The following CADPS variants were observed in gnomAD, a reference collection of about 807,000 sequenced individuals.
CADPS encodes the protein calcium-dependent secretion activator 1.
In CADPS, 57 loss-of-function variants were observed where a neutral mutation model predicts 167.3. The observed-to-expected ratio is 0.34, with a 90% CI of 0.28 to 0.42. The LOEUF is 0.42. Among genes scored for constraint, CADPS ranks in the 20% least tolerant of loss-of-function variants. The probability of loss-of-function intolerance (pLI) is 1.00; values close to 1 mark genes in which losing one functional copy is unlikely to be tolerated. For missense variants in CADPS, 1,414 were observed against 1,738.1 expected, an observed-to-expected ratio of 0.81 and a Z score of 3.32; for synonymous variants, 676 against 635.3, an observed-to-expected ratio of 1.06 and a Z score of -0.96.
At chr3:62,722,449 AT>A (rs2076003142) in intron 3 of CADPS, among the ~76,000 whole-genome samples, 2 of 151,186 alleles carry the variant, frequency 1.3e-5, no homozygotes, top group Admixed American at 6.9e-5. Flanking sequence ...TGAACATCTC[AT>A]GAACATCTCA....
chr3:62,505,566 T>A (rs1407237659), intron 17 of CADPS, among the ~76,000 whole-genome samples: 1 of 152,234 alleles, frequency 6.6e-6, no homozygotes, highest in Non-Finnish European at 1.5e-5. Context: ...TTTTCTCTTC[T>A]GCAGTTCATT....
chr3:62,608,125 T>C (rs2060949778), intron 6 of CADPS, among the ~76,000 whole-genome samples: 1 of 152,110 alleles, frequency 6.6e-6, no homozygotes, highest in Admixed American at 6.5e-5. Flanking sequence ...CCCAGTTGCA[T>C]CTGGGGCTCC....
intron 1 of CADPS, among the ~76,000 whole-genome samples, chr3:62,831,015 A>G (rs2074977581): frequency 6.6e-6 from 1 of 152,274 alleles, no homozygotes; most frequent in South Asian, 2.1e-4. Flanking sequence ...AGAGTTATAG[A>G]CAAATATGTA....
chr3:62,597,351 A>C (rs1053354286), intron 6 of CADPS, among the ~76,000 whole-genome samples: 1 of 152,190 alleles, frequency 6.6e-6, no homozygotes, highest in Non-Finnish European at 1.5e-5. Context: ...TGTCTCTAAA[A>C]GAAAATAAAT....
intron 1 of CADPS, among the ~76,000 whole-genome samples, chr3:62,847,105 GCCT>G (rs1163975525): frequency 3.3e-5 from 5 of 152,244 alleles, no homozygotes; most frequent in African/African-American, 1.2e-4. Flanking sequence ...TTTTCTAGTA[GCCT>G]CCTAAGTCCT....
At chr3:62,790,203 A>G (rs1230030647) in intron 1 of CADPS, among the ~76,000 whole-genome samples, 1 of 152,164 alleles carries the variant, frequency 6.6e-6, no homozygotes, top group Non-Finnish European at 1.5e-5. Flanking sequence ...ATATTTTTAT[A>G]AATTATGGAC....
At chr3:62,821,823 G>C (rs906922367) in intron 1 of CADPS, among the ~76,000 whole-genome samples, 2 of 152,128 alleles carry the variant, frequency 1.3e-5, no homozygotes, top group Non-Finnish European at 2.9e-5. Flanking sequence ...GTCTCCCAAG[G>C]CTGAACTCAA....
chr3:62,854,299 C>T (rs369323661), intron 1 of CADPS, among the ~76,000 whole-genome samples: 7 of 152,186 alleles, frequency 4.6e-5, no homozygotes, highest in Non-Finnish European at 5.9e-5. Flanking sequence ...GCATTCCTTT[C>T]GTAGTTTTGC....
At chr3:62,498,087 G>A in intron 18 of CADPS, 1 of 456,308 alleles carries the variant, frequency 2.2e-6, no homozygotes, top group Non-Finnish European at 4.4e-6. Flanking sequence ...ACATGGTACT[G>A]GAAGGGCATG....
rs189323992 is a variant in CADPS, at chr3:62,591,591, A to G, written c.1437+1046T>C. On this transcript the variant is annotated intron_variant, in intron 7 of 29. Coordinates refer to ENST00000383710, the MANE Select transcript of CADPS (RefSeq NM_003716.4). ...GGGGTGAAGAGGTGAGCAGAAGCCAAATTAAACGAGTTCAGATTTTACCAC... is the reference window on the plus strand; with the variant it reads ...GGGGTGAAGAGGTGAGCAGAAGCCAGATTAAACGAGTTCAGATTTTACCAC... 3.2e-3 allele frequency among the ~76,000 whole-genome samples: 485 copies of G among 152,236 alleles called. 2 individuals are homozygous for G. Among genetic ancestry groups the G allele is most frequent in the African/African-American group, 0.011 (458 of 41,538 alleles).
chr3:62,502,054 C>T (rs1445584107), intron 17 of CADPS, among the ~76,000 whole-genome samples: 1 of 152,216 alleles, frequency 6.6e-6, no homozygotes, highest in African/African-American at 2.4e-5. Flanking sequence ...CCAATTAACC[C>T]ATGTAGCCAG....
At chr3:62,873,745 C>A (rs1035868136) in intron 1 of CADPS, among the ~76,000 whole-genome samples, 21 of 151,800 alleles carry the variant, frequency 1.4e-4, no homozygotes, top group African/African-American at 4.8e-4. Context: ...ATCAAGGCAG[C>A]AGTGGCAGGG....
chr3:62,663,735 A>G (rs2073862964), intron 3 of CADPS, among the ~76,000 whole-genome samples: 1 of 152,128 alleles, frequency 6.6e-6, no homozygotes, highest in Admixed American at 6.6e-5. Flanking sequence ...AAGCATCACA[A>G]TTAACCTTCT....
intron 6 of CADPS, among the ~76,000 whole-genome samples, chr3:62,638,484 G>A (rs2066775192): frequency 6.6e-6 from 1 of 152,090 alleles, no homozygotes; most frequent in Non-Finnish European, 1.5e-5. Context: ...GATGTAAGTG[G>A]CAAGTAATCT....
At chr3:62,489,802 C>T (rs2151036727) in intron 21 of CADPS, among the ~76,000 whole-genome samples, 1 of 152,220 alleles carries the variant, frequency 6.6e-6, no homozygotes, top group Middle Eastern at 3.4e-3. Context: ...CTCTTAATAG[C>T]TATTCTCCAG....
intron 6 of CADPS, among the ~76,000 whole-genome samples, chr3:62,617,253 T>A (rs1391715053): frequency 6.6e-6 from 1 of 152,120 alleles, no homozygotes; most frequent in Non-Finnish European, 1.5e-5. Context: ...TAATGAACAC[T>A]GTGGTTCAGA....
In CADPS at chr3:62,465,232, T is replaced by A. The variant is rs771786008; in HGVS notation, c.3636+135A>T. ...TAAATGTTTGGCTTTTCACATAGTG[T>A]TAATATTATACAATAGTTGACTATA... On this transcript the variant is annotated intron_variant, in intron 26 of 29. Transcript: ENST00000383710. This position sits in a 1 kb window ranked among gnomAD's most constrained non-coding sequence, Gnocchi z 4.1. 60 of 597,494 alleles carry A rather than the reference T, an allele frequency of 1.0e-4. No individual in the cohort carries two copies. Among genetic ancestry groups the A allele is most frequent in the Non-Finnish European group, 1.6e-4 (53 of 330,786 alleles). The allele number at this position is 597,494 out of a possible 1,614,324, so 37.0% of individuals were successfully genotyped here.
At chr3:62,402,412 T>G (rs550557867) in intron 29 of CADPS, among the ~76,000 whole-genome samples, 27 of 152,324 alleles carry the variant, frequency 1.8e-4, no homozygotes, top group African/African-American at 6.5e-4. Flanking sequence ...AAATAGAAAC[T>G]GAAATGATCA....
rs1002188840 is a variant in CADPS at position 62,548,391 on chromosome 3, G to T, written c.1966+1512C>A. On this transcript the variant is annotated intron_variant, in intron 11 of 29. Coordinates refer to ENST00000383710, the MANE Select transcript of CADPS (RefSeq NM_003716.4). Reference sequence around the variant, plus strand: ...GGCAATCTCTTTCTTATTCTTTCATGATTTTCTGTGTGGAAACTCACAGCC... The same window carrying T: ...GGCAATCTCTTTCTTATTCTTTCATTATTTTCTGTGTGGAAACTCACAGCC... Among the ~76,000 whole-genome samples, 4 of 152,092 alleles carry T rather than the reference G, an allele frequency of 2.6e-5. No homozygotes were observed. The East Asian group carries it at 7.7e-4, about 29-fold the overall frequency.
Sources: gnomAD v4.1 joint callset for allele counts (sites outside exome capture counted in the v4.1 genomes callset) on GRCh38, gnomAD v4.1.1 for gene constraint, Gnocchi (gnomAD v3.1) non-coding constraint, MANE v1.5 for transcripts, NCBI Gene and HGNC (gene_info 2026-07-23, HGNC 2026-07-21) for gene names.